The following ITGAX variants were observed in gnomAD, a reference collection of about 807,000 sequenced individuals.
ITGAX encodes the protein integrin alpha-X.
A neutral mutation model predicts 140.2 loss-of-function variants in ITGAX; 99 were observed. That is an observed-to-expected ratio of 0.71 (90% CI 0.60 to 0.83). The LOEUF (loss-of-function observed/expected upper bound fraction) is 0.83. Among genes scored for constraint, ITGAX ranks in the 40% least tolerant of loss-of-function variants. The probability of loss-of-function intolerance (pLI) is 0.00; values close to 1 mark genes in which losing one functional copy is unlikely to be tolerated. For synonymous variants in ITGAX, 631 were observed against 600.4 expected (o/e 1.05, Z -0.75); for missense variants, 1,444 against 1,482.0 (o/e 0.97, Z 0.42).
intron 14 of ITGAX, among the ~76,000 whole-genome samples, chr16:31,369,561 G>A (rs1233073804): frequency 6.6e-6 from 1 of 152,182 alleles, no homozygotes; most frequent in Non-Finnish European, 1.5e-5. Flanking sequence ...TTGCCACTGT[G>A]ATCAGTCAGC....
rs904012327 is a variant in ITGAX, at chr16:31,355,938, C to T, written c.83C>T (p.Thr28Ile). The change falls in exon 2 of 30, where the codon ACA becomes ATA. Residue 28 changes from threonine to isoleucine, a missense_variant. By Grantham distance (89) the Thr-to-Ile change is moderately conservative. Transcript: ENST00000268296. ...LGFNLDTEELTAFRVDSAGFG... is the reference protein window; with the variant it reads ...LGFNLDTEELIAFRVDSAGFG... Reference sequence around the variant, plus strand: ...TTCAACTTGGACACAGAGGAGCTGACAGCCTTCCGTGTGGACAGCGCTGGG... The same window carrying T: ...TTCAACTTGGACACAGAGGAGCTGATAGCCTTCCGTGTGGACAGCGCTGGG... 2 of 1,613,946 alleles carry T rather than the reference C, an allele frequency of 1.2e-6. No individual in the cohort carries two copies. The highest frequency in any genetic ancestry group is 1.7e-6 in the Non-Finnish European group (2 of 1,179,886).
chr16:31,372,731 T>A lies in ITGAX; in HGVS notation c.2366+61T>A, dbSNP rs1049264013. ...CAGCCTCCTTCCTGGAATCTGGGAC[T>A]CCTGCCTCTGGCTCTCCCTAACATT... On this transcript the variant is annotated intron_variant, in intron 19 of 29. Coordinates refer to ENST00000268296, the MANE Select transcript of ITGAX (RefSeq NM_000887.5). The A allele has an allele frequency of 1.9e-5, 28 of 1,477,794 alleles. No homozygotes were observed. The Admixed American group carries it at 3.7e-4, about 20-fold the overall frequency. 91.5% of individuals were successfully genotyped at this position (1,477,794 alleles called of 1,614,324 possible).
rs531842559 is a variant in ITGAX at position 31,382,439 on chromosome 16, T to A, written c.*532T>A. ...TCTTTCTAAAATACAGTTCTGAATA[T>A]GCTGCTCATCCCCACCTGTCTTCAA... On this transcript the variant is annotated 3_prime_UTR_variant, in exon 30 of 30. Transcript: ENST00000268296. The A allele has an allele frequency of 8.5e-5, 130 of 1,535,564 alleles. No individual in the cohort carries two copies. In the South Asian group the frequency reaches 1.4e-3, roughly 17 times the overall value.
intron 26 of ITGAX, 89 bp from the exon 27 acceptor site, chr16:31,380,177 T>A: frequency 6.6e-7 from 1 of 1,524,424 alleles, no homozygotes. Context: ...CATTCGGATA[T>A]GGCCGCTGCC....
intron 1 of ITGAX, 132 bp from the exon 2 acceptor site, chr16:31,355,761 G>T: frequency 1.4e-6 from 1 of 692,140 alleles, no homozygotes; most frequent in Non-Finnish European, 2.6e-6. Flanking sequence ...GGGATGAGTT[G>T]GGTGTCCAGA....
chr16:31,369,028 C>T (rs555248887), intron 14 of ITGAX, among the ~76,000 whole-genome samples: 1 of 152,354 alleles, frequency 6.6e-6, no homozygotes, highest in Admixed American at 6.5e-5. Context: ...GACACGGCAA[C>T]CATCCGATTT....
At position 31,382,249 on chromosome 16, in the gene ITGAX, C is replaced by CA; in HGVS notation, c.*342_*343insA. 1 of 658,762 alleles carries CA rather than the reference C, an allele frequency of 1.5e-6. No homozygotes were observed. Among genetic ancestry groups the CA allele is most frequent in the Non-Finnish European group, 1.9e-6 (1 of 533,360 alleles). The allele number at this position is 658,762 out of a possible 1,614,324, so 40.8% of individuals were successfully genotyped here. On this transcript the variant is annotated 3_prime_UTR_variant, in exon 30 of 30. Transcript: ENST00000268296. The stretch of plus-strand genomic sequence containing the variant: ...CTTTCTTTTTTTTTTTTTTTCTTTT[C>CA]TTTTTTTTTTTTTTGAGACGGAGTC...
At chr16:31,371,871 C>T (rs1183531814) in intron 17 of ITGAX, 87 bp downstream of exon 17, 1 of 1,498,248 alleles carries the variant, frequency 6.7e-7, no homozygotes, top group East Asian at 2.3e-5. Context: ...TTCCGGCCTC[C>T]CTGTGGCTCA....
At chr16:31,357,528 C>G (rs1259879432) in intron 5 of ITGAX, 164 bp downstream of exon 5, 13 of 591,654 alleles carry the variant, frequency 2.2e-5, no homozygotes, top group Non-Finnish European at 3.3e-5. Context: ...CACATCCTGC[C>G]GATCGCCCGC....
intron 29 of ITGAX, 121 bp downstream of exon 29, chr16:31,381,128 C>T: frequency 8.8e-6 from 6 of 680,968 alleles, no homozygotes; most frequent in South Asian, 6.1e-5. Context: ...ATATGAGAAA[C>T]TGCTTCCCAC....
At chr16:31,377,415 C>A in intron 23 of ITGAX, 150 bp downstream of exon 23, 1 of 636,784 alleles carries the variant, frequency 1.6e-6, no homozygotes, top group East Asian at 2.7e-5. Context: ...CTTCCTTCAG[C>A]CAATGCCTTC....
chr16:31,360,090 C>A (rs1335849733), intron 7 of ITGAX, 25 bp downstream of exon 7: 1 of 1,606,316 alleles, frequency 6.2e-7, no homozygotes, highest in Non-Finnish European at 8.5e-7. Context: ...CTTCCAGGCA[C>A]AGTCCCAAAG....
At chr16:31,381,191 C>G (rs1470450007) in intron 29 of ITGAX, among the ~76,000 whole-genome samples, 184 bp downstream of exon 29, 4 of 152,154 alleles carry the variant, frequency 2.6e-5, no homozygotes, top group African/African-American at 9.7e-5. Flanking sequence ...CCCAGGCTTC[C>G]TCTAATATTT....
chr16:31,371,825 C>A, intron 17 of ITGAX, 41 bp downstream of exon 17: 1 of 1,603,336 alleles, frequency 6.2e-7, no homozygotes, highest in Non-Finnish European at 8.5e-7. Flanking sequence ...CGCGCTGGGG[C>A]TGGCAGAAGG....
Position 31,361,922 on chromosome 16 carries a change from C to G in ITGAX, c.1086+13C>G. The G allele has an allele frequency of 6.2e-7, 1 of 1,613,958 alleles. No homozygotes were observed. Among genetic ancestry groups the G allele is most frequent in the South Asian group, 1.1e-5 (1 of 91,084 alleles). ...TGTGTTCACACCTGTGAGTGGGGCC[C>G]CTTAGGCCGATGATGTGCCGTGAGG... is the stretch of plus-strand genomic sequence containing the variant. On this transcript the variant is annotated intron_variant, in intron 10 of 29. Coordinates refer to ENST00000268296, the MANE Select transcript of ITGAX (RefSeq NM_000887.5).
At chr16:31,367,188 G>A (rs2080901083) in intron 14 of ITGAX, among the ~76,000 whole-genome samples, 1 of 152,302 alleles carries the variant, frequency 6.6e-6, no homozygotes, top group South Asian at 2.1e-4. Flanking sequence ...AGTCAGCAGG[G>A]TTCATGAGGT....
intron 23 of ITGAX, among the ~76,000 whole-genome samples, chr16:31,377,851 AG>A (rs2081034579): frequency 6.6e-6 from 1 of 152,232 alleles, no homozygotes; most frequent in Admixed American, 6.5e-5. Flanking sequence ...GGGGAGGCCA[AG>A]GTGGGAGGAT....
intron 23 of ITGAX, among the ~76,000 whole-genome samples, chr16:31,378,503 G>A (rs1438876229): frequency 6.6e-6 from 1 of 151,584 alleles, no homozygotes; most frequent in Non-Finnish European, 1.5e-5. Context: ...GTCTTGCTCT[G>A]TTGCCCAGGC....
Position 31,379,655 on chromosome 16 carries a change from T to C in ITGAX, c.2868+9T>C, listed in dbSNP as rs536544509. The C allele has an allele frequency of 2.0e-5, 32 of 1,565,544 alleles. No individual in the cohort carries two copies. Among genetic ancestry groups the C allele is most frequent in the Middle Eastern group, 3.3e-4 (2 of 6,008 alleles). ...CCATGCACAGATACCAGGCAGGTGG[T>C]GGAGACGCAGGAGACTGGGCTGGGG... On this transcript the variant is annotated intron_variant, in intron 24 of 29. Transcript: ENST00000268296.
Sources: gnomAD v4.1 joint callset for allele counts (sites outside exome capture counted in the v4.1 genomes callset) on GRCh38, gnomAD v4.1.1 for gene constraint, MANE v1.5 for transcripts, NCBI Gene and HGNC (gene_info 2026-07-23, HGNC 2026-07-21) for gene names.